Variants in CDH23 observed in about 807,000 individuals in gnomAD.
The protein encoded by CDH23 is cadherin-23.
CDH23 carries 189 observed loss-of-function variants against 317.1 expected under a neutral mutation model. The ratio of observed to expected loss-of-function variants is 0.60; its 90% CI spans 0.53 to 0.67. The LOEUF is 0.67. Among genes scored for constraint, CDH23 ranks in the 30% least tolerant of loss-of-function variants. The pLI, the probability that CDH23 is intolerant of heterozygous loss-of-function variation, is 0.00. For missense variants in CDH23, 4,401 were observed against 4,592.4 expected (o/e 0.96, Z 1.20); for synonymous variants, 1,839 against 1,876.8 (o/e 0.98, Z 0.52).
intron 1 of CDH23, among the ~76,000 whole-genome samples, chr10:71,403,301 T>G (rs1461825901): frequency 1.3e-5 from 2 of 151,440 alleles, no homozygotes; most frequent in Non-Finnish European, 2.9e-5. Context: ...TTTGCTTGCT[T>G]TCTCTTTCTC....
chr10:71,653,831 A>C (rs1429995953), intron 14 of CDH23, among the ~76,000 whole-genome samples: 1 of 152,178 alleles, frequency 6.6e-6, no homozygotes, highest in East Asian at 1.9e-4. Context: ...TCCCACAATG[A>C]AGAGAGACGG....
chr10:71,470,979 T>G (rs1851477325), intron 3 of CDH23, among the ~76,000 whole-genome samples: 1 of 152,228 alleles, frequency 6.6e-6, no homozygotes, highest in Non-Finnish European at 1.5e-5. Context: ...GTTATTCATG[T>G]TCTGATAATT....
intron 28 of CDH23, among the ~76,000 whole-genome samples, 189 bp from the exon 29 acceptor site, chr10:71,723,856 G>T (rs1453590637): frequency 6.6e-6 from 1 of 152,122 alleles, no homozygotes. Flanking sequence ...ATCAGCGGTC[G>T]GACATCCTCT....
At chr10:71,684,590 G>T (rs1316258430) in intron 18 of CDH23, among the ~76,000 whole-genome samples, 2 of 152,212 alleles carry the variant, frequency 1.3e-5, no homozygotes, top group African/African-American at 4.8e-5. Flanking sequence ...GGTGGTAATC[G>T]TGATACCTGC....
At chr10:71,442,096 T>C (rs957075749) in intron 2 of CDH23, among the ~76,000 whole-genome samples, 5 of 152,234 alleles carry the variant, frequency 3.3e-5, no homozygotes, top group African/African-American at 4.8e-5. Context: ...AAGTGTTGGC[T>C]CCTTTATTAT....
At chr10:71,737,957 C>A (rs1456004817) in intron 34 of CDH23, 5 of 389,676 alleles carry the variant, frequency 1.3e-5, no homozygotes, top group African/African-American at 1.0e-4. Flanking sequence ...GCAGCCCCCT[C>A]CTGCTCCTGG....
rs941939093 is a variant in CDH23 at position 71,641,814 on chromosome 10, C to T, written c.1135-2047C>T. On this transcript the variant is annotated intron_variant, in intron 11 of 69. Transcript: ENST00000224721. ...TACCTTCTGACCAGACACAGTGGCT[C>T]ATGCCTGTAATCCCAGCATTTTGGG... is the stretch of plus-strand genomic sequence containing the variant. 1.2e-3 allele frequency among the ~76,000 whole-genome samples: 190 copies of T among 152,318 alleles called. 1 individual carries two copies. Among genetic ancestry groups the T allele is most frequent in the African/African-American group, 4.5e-3 (187 of 41,576 alleles).
chr10:71,814,488 C>T (rs1267835431), intron 69 of CDH23, among the ~76,000 whole-genome samples: 2 of 152,224 alleles, frequency 1.3e-5, no homozygotes, highest in African/African-American at 4.8e-5. Context: ...GCTGGTGGAT[C>T]ATCTGAGGTC....
At chr10:71,747,732 A>G (rs1001107123) in intron 38 of CDH23, 1 of 152,284 alleles carries the variant, frequency 6.6e-6, no homozygotes, top group Non-Finnish European at 1.5e-5. Context: ...GTATTCTAAC[A>G]GAAAAGGCCA....
intron 14 of CDH23, among the ~76,000 whole-genome samples, chr10:71,657,161 G>A (rs557051092): frequency 2.6e-5 from 4 of 152,334 alleles, no homozygotes; most frequent in East Asian, 1.9e-4. Context: ...GCACCATCCC[G>A]AATGTCAAGT....
At position 71,740,955 on chromosome 10, in the gene CDH23, G is replaced by A. The variant is rs772189237; in HGVS notation, c.4617+5G>A. On this transcript the variant is annotated splice_donor_5th_base_variant and intron_variant, in intron 37 of 69. Transcript: ENST00000224721. ...TACAATGTCAGTGTGAATGAGGTGAGGGCAGCCCCGGGGCCCATATAGCTG... is the reference window on the plus strand; with the variant it reads ...TACAATGTCAGTGTGAATGAGGTGAAGGCAGCCCCGGGGCCCATATAGCTG... 17 of 1,613,780 alleles carry A rather than the reference G, an allele frequency of 1.1e-5. No homozygotes were observed. Among genetic ancestry groups the A allele is most frequent in the Non-Finnish European group, 1.4e-5 (16 of 1,179,850 alleles).
intron 14 of CDH23, among the ~76,000 whole-genome samples, chr10:71,670,178 G>C (rs151261759): frequency 3.3e-5 from 5 of 152,322 alleles, no homozygotes; most frequent in Admixed American, 6.5e-5. Context: ...TGTTGGAGGT[G>C]CTCTATAAAC....
intron 45 of CDH23, 95 bp downstream of exon 45, chr10:71,789,137 T>C (rs1016045975): frequency 4.3e-6 from 3 of 694,040 alleles, no homozygotes; most frequent in Non-Finnish European, 7.8e-6. Flanking sequence ...ACGGCATAGC[T>C]GAACCTAGAC....
chr10:71,432,331 AGT>A (rs1175112654), intron 1 of CDH23, among the ~76,000 whole-genome samples: 9 of 68,124 alleles, frequency 1.3e-4, no homozygotes, highest in East Asian at 4.9e-4. Flanking sequence ...TGTTTGAAAA[AGT>A]GTGTGTGCGG....
intron 38 of CDH23, among the ~76,000 whole-genome samples, chr10:71,747,358 G>T (rs1334738928): frequency 2.0e-5 from 3 of 152,246 alleles, no homozygotes; most frequent in African/African-American, 4.8e-5. Context: ...GGACCCAGAA[G>T]AAGGCCCAGG....
In CDH23 at chr10:71,811,607, C is replaced by A; in HGVS notation, c.9278+17C>A. The A allele has an allele frequency of 1.2e-6, 2 of 1,613,928 alleles. No homozygotes were observed. The highest frequency in any genetic ancestry group is 2.2e-5 in the South Asian group (2 of 91,090). On this transcript the variant is annotated intron_variant, in intron 64 of 69. Coordinates refer to ENST00000224721, the MANE Select transcript of CDH23 (RefSeq NM_022124.6). ...CAGGACTGTGTGAGTGTCCCCCACC[C>A]CTGCCATCAGGGGGCCGACCACCTG...
chr10:71,796,110 C>T (rs1589426440), intron 48 of CDH23: 11 of 985,142 alleles, frequency 1.1e-5, no homozygotes, highest in Non-Finnish European at 1.2e-5. Flanking sequence ...TGGGGACCCA[C>T]GGAAGACAGA....
At chr10:71,806,130 C>T (rs951261259) in intron 56 of CDH23, 38 bp from the exon 57 acceptor site, 1 of 1,541,124 alleles carries the variant, frequency 6.5e-7, no homozygotes, top group Non-Finnish European at 8.8e-7. Context: ...AATCCCCTCT[C>T]CCAGTCTTTT....
At chr10:71,495,704 T>C (rs955817263) in intron 3 of CDH23, among the ~76,000 whole-genome samples, 13 of 150,402 alleles carry the variant, frequency 8.6e-5, no homozygotes, top group Admixed American at 7.3e-4. Context: ...CCAGGTGCAG[T>C]GGCGCACTTG....
Sources: gnomAD v4.1 joint callset for allele counts (sites outside exome capture counted in the v4.1 genomes callset) on GRCh38, gnomAD v4.1.1 for gene constraint, MANE v1.5 for transcripts, NCBI Gene and HGNC (gene_info 2026-07-23, HGNC 2026-07-21) for gene names.